Variants in PASK observed in about 807,000 individuals in gnomAD.
PASK encodes PAS domain-containing serine/threonine-protein kinase.
PASK carries 110 observed loss-of-function variants against 121.0 expected under a neutral mutation model. The observed-to-expected ratio is 0.91, with a 90% CI of 0.78 to 1.06. The LOEUF (loss-of-function observed/expected upper bound fraction) is 1.06. Ranked by LOEUF, PASK falls within the 50% of genes least tolerant of loss-of-function variation. The pLI is 0.00. For synonymous variants in PASK, 686 were observed against 717.8 expected (o/e 0.96, Z 0.71); for missense variants, 1,643 against 1,702.3 (o/e 0.97, Z 0.61).
At position 241,108,187 on chromosome 2, in the gene PASK, G is replaced by A. The variant is rs769833623; in HGVS notation, c.3647C>T (p.Pro1216Leu). ...CTCACCTTTGGACACCAGGTATGGC[G>A]GGTGTATGGCAGCCTCCACGGTCTC... Reference protein sequence around the residue: ...LEETVEAAIHPPYLVSKELMS... With the variant: ...LEETVEAAIHLPYLVSKELMS... Residue 1216 changes from proline to leucine, a missense_variant, in exon 16 of 18, where the codon CCG becomes CTG. Transcript: ENST00000234040. The surrounding 1 kb of genome is among the most constrained non-coding windows in gnomAD (Gnocchi z 5.2). 4.3e-6 allele frequency: 7 copies of A among 1,614,008 alleles called. No homozygotes were observed. The highest frequency in any genetic ancestry group is 2.2e-5 in the East Asian group (1 of 44,880).
rs3926370 is a variant in PASK, at chr2:241,109,038, C to T, written c.3534-738G>A. ...TATTTCCTGTCACCGTAAACATCCT[C>T]ATCCACGCTACCATTTATTTCCTGT... On this transcript the variant is annotated intron_variant, in intron 15 of 17. Transcript: ENST00000234040. 957 of 100,092 alleles carry T rather than the reference C, an allele frequency of 9.6e-3. 3 individuals carry two copies. Among genetic ancestry groups the T allele is most frequent in the African/African-American group, 0.033 (432 of 13,166 alleles). The allele number at this position is 100,092 out of a possible 1,614,324, so 6.2% of individuals were successfully genotyped here.
At chr2:241,148,981 C>T (rs550054208) in intron 1 of PASK, among the ~76,000 whole-genome samples, 14 of 140,714 alleles carry the variant, frequency 9.9e-5, no homozygotes, top group African/African-American at 3.6e-4. Context: ...CGCCCCCGAC[C>T]CCGCGGCGCC....
chr2:241,126,367 T>G lies in PASK; in HGVS notation c.2548A>C (p.Thr850Pro). 1.2e-6 allele frequency: 2 copies of G among 1,614,216 alleles called. No homozygotes were observed. Among genetic ancestry groups the G allele is most frequent in the Non-Finnish European group, 1.7e-6 (2 of 1,180,038 alleles). The change falls in exon 10 of 18, where the codon ACG becomes CCG. Residue 850 changes from threonine to proline, a missense_variant. Around this residue, in one of 3 missense-constraint regions of PASK, gnomAD observed 1,176 missense variants for 1,162.2 expected, o/e 1.01. Coordinates refer to ENST00000234040, the MANE Select transcript of PASK (RefSeq NM_015148.4). The stretch of plus-strand genomic sequence containing the variant: ...GTGTCCTCAGGGCCAGCATCCAACG[T>G]GGAAGGAACGTGTCCTGGGCTTTCT... ...DRESPGHVPS[T>P]LDAGPEDTCP...
Position 241,132,529 on chromosome 2 carries a change from A to T in PASK, c.1463+345T>A, listed in dbSNP as rs1440389326. On this transcript the variant is annotated intron_variant, in intron 9 of 17. Coordinates refer to ENST00000234040, the MANE Select transcript of PASK (RefSeq NM_015148.4). ...GGGTGACACAGCGAGACTCTGTCTA[A>T]AAAAAAAAAAAAAAAAAAAAAAAAA... 4.2e-3 allele frequency among the ~76,000 whole-genome samples: 504 copies of T among 119,624 alleles called. 6 individuals are homozygous for T. Among genetic ancestry groups the T allele is most frequent in the African/African-American group, 0.017 (471 of 26,976 alleles). 78.5% of individuals were successfully genotyped at this position (119,624 alleles called of 152,430 possible).
chr2:241,150,163 C>G, upstream of PASK: 1 of 1,268,650 alleles, frequency 7.9e-7, no homozygotes, highest in East Asian at 3.5e-5. Flanking sequence ...CTCTCAAGCC[C>G]AGGGCGTCTC....
chr2:241,138,179 A>G, intron 5 of PASK, 92 bp from the exon 6 acceptor site: 2 of 1,355,062 alleles, frequency 1.5e-6, no homozygotes, highest in East Asian at 4.8e-5. Flanking sequence ...CAAAAGCAAG[A>G]CCCCAACATG....
At chr2:241,117,650 A>C (rs2065431996) in intron 12 of PASK, among the ~76,000 whole-genome samples, 1 of 152,260 alleles carries the variant, frequency 6.6e-6, no homozygotes, top group African/African-American at 2.4e-5. Context: ...CCTGGTGAAA[A>C]CTTTGAAAGA....
intron 2 of PASK, among the ~76,000 whole-genome samples, chr2:241,142,015 G>A (rs2066723430): frequency 6.6e-6 from 1 of 152,152 alleles, no homozygotes; most frequent in Non-Finnish European, 1.5e-5. Context: ...CACTCACTGA[G>A]AACATTCCTG....
chr2:241,109,106 A>G (rs901199832), intron 15 of PASK: 4 of 113,936 alleles, frequency 3.5e-5, no homozygotes, highest in Non-Finnish European at 5.0e-5. Context: ...ATTTCCTGTC[A>G]CCGTAAACAT....
At chr2:241,147,339 A>T (rs1412484436) in intron 1 of PASK, among the ~76,000 whole-genome samples, 1 of 152,212 alleles carries the variant, frequency 6.6e-6, no homozygotes, top group Non-Finnish European at 1.5e-5. Flanking sequence ...TGCAATGTCA[A>T]TGTTACAAAA....
At chr2:241,139,576 G>C (rs754531888) in intron 4 of PASK, 9 of 620,050 alleles carry the variant, frequency 1.5e-5, no homozygotes, top group Non-Finnish European at 2.8e-5. Context: ...TGTGCTGCCC[G>C]GCAGGACTGC....
chr2:241,127,631 A>C, intron 9 of PASK, 180 bp from the exon 10 acceptor site: 1 of 651,762 alleles, frequency 1.5e-6, no homozygotes, highest in Non-Finnish European at 2.8e-6. Flanking sequence ...AAATTTCTCC[A>C]AATTAAGTCC....
In PASK at chr2:241,113,776, T is replaced by A. The variant is rs2065209428; in HGVS notation, c.3333+1267A>T. ...CTGGCCATGCTGCCCTGGAGCGGCC[T>A]GAACCAAGCCAGGGCTGTTCCCAGG... On this transcript the variant is annotated intron_variant, in intron 14 of 17. Coordinates refer to ENST00000234040, the MANE Select transcript of PASK (RefSeq NM_015148.4). 1.0e-5 allele frequency: 10 copies of A among 985,362 alleles called. No homozygotes were observed. The South Asian group carries it at 4.2e-4, about 42-fold the overall frequency. 61.0% of individuals were successfully genotyped at this position (985,362 alleles called of 1,614,324 possible).
rs1330721069 is a variant in PASK, at chr2:241,107,333, G to A, written c.3814+20C>T. 1.9e-6 allele frequency: 3 copies of A among 1,609,282 alleles called. No homozygotes were observed. Among genetic ancestry groups the A allele is most frequent in the Non-Finnish European group, 1.7e-6 (2 of 1,175,898 alleles). ...TCCAAGTGAAGTCATGTGGGGTGGA[G>A]GGATGCTGAGAAGCCTCACCTGGCT... On this transcript the variant is annotated intron_variant, in intron 17 of 17. Coordinates refer to ENST00000234040, the MANE Select transcript of PASK (RefSeq NM_015148.4).
chr2:241,139,525 A>C, intron 4 of PASK: 1 of 509,560 alleles, frequency 2.0e-6, no homozygotes. Context: ...AGAATGTAAA[A>C]ATCAATAGAC....
rs192974202 is a variant in PASK, at chr2:241,131,910, C to T, written c.1463+964G>A. ...CTCTAGTAAAAATACAAAAATTAGC[C>T]GGGCGTGGTGGCAGGTGCCTGTAGT... On this transcript the variant is annotated intron_variant, in intron 9 of 17. Transcript: ENST00000234040. Among the ~76,000 whole-genome samples, 511 of 151,916 alleles carry T rather than the reference C, an allele frequency of 3.4e-3. 2 individuals carry two copies. The highest frequency in any genetic ancestry group is 0.011 in the African/African-American group (444 of 41,430).
intron 12 of PASK, chr2:241,118,761 A>G: frequency 3.6e-6 from 1 of 274,734 alleles, no homozygotes; most frequent in Non-Finnish European, 6.9e-6. Flanking sequence ...AGGGGCTGGC[A>G]GGGGCCCACG....
At chr2:241,131,788 G>A (rs980063031) in intron 9 of PASK, among the ~76,000 whole-genome samples, 4 of 152,148 alleles carry the variant, frequency 2.6e-5, no homozygotes, top group Admixed American at 2.6e-4. Flanking sequence ...AGGTATGGTG[G>A]CTCACACCTG....
At chr2:241,149,674 A>G (rs988505049), upstream of PASK, 3 of 1,547,248 alleles carry the variant, frequency 1.9e-6, no homozygotes, top group African/African-American at 4.1e-5. Flanking sequence ...CGGGCCGGGC[A>G]GATGCGGTTT....
Sources: gnomAD v4.1 joint callset for allele counts (sites outside exome capture counted in the v4.1 genomes callset) on GRCh38, gnomAD v4.1.1 for gene constraint, gnomAD v4.1.1 regional missense constraint, Gnocchi (gnomAD v3.1) non-coding constraint, MANE v1.5 for transcripts, NCBI Gene and HGNC (gene_info 2026-07-23, HGNC 2026-07-21) for gene names.